Variants in PCSK6 observed in about 807,000 individuals in gnomAD.
PCSK6 encodes the protein proprotein convertase subtilisin/kexin type 6, also known as paired basic amino acid cleaving enzyme 4.
Under a neutral mutation model 123.3 loss-of-function variants are expected in PCSK6, and 85 were observed. The observed-to-expected ratio is 0.69, with a 90% CI of 0.58 to 0.83. The LOEUF is 0.83. PCSK6 is among the 40% of genes least tolerant of loss of function. PCSK6 has a pLI of 0.00. For synonymous variants in PCSK6, 508 were observed against 516.0 expected, an observed-to-expected ratio of 0.98 and a Z score of 0.21; for missense variants, 1,191 against 1,282.3, an observed-to-expected ratio of 0.93 and a Z score of 1.09.
chr15:101,327,412 G>C (rs1401972670), intron 15 of PCSK6, among the ~76,000 whole-genome samples: 2 of 152,178 alleles, frequency 1.3e-5, no homozygotes, highest in African/African-American at 4.8e-5. Flanking sequence ...CAGGAGTGAC[G>C]CCTGAAGCTA....
chr15:101,466,759 T>C (rs918793908), intron 1 of PCSK6, among the ~76,000 whole-genome samples: 3 of 152,128 alleles, frequency 2.0e-5, no homozygotes, highest in Admixed American at 1.3e-4. Context: ...GACCCTATTA[T>C]TACTGTATGA....
At chr15:101,383,077 C>A (rs541833584) in intron 10 of PCSK6, among the ~76,000 whole-genome samples, 1 of 152,104 alleles carries the variant, frequency 6.6e-6, no homozygotes, top group Non-Finnish European at 1.5e-5. Flanking sequence ...ATAAATACTA[C>A]GGCCAAATGA....
At chr15:101,356,948 A>G (rs565441076) in intron 13 of PCSK6, among the ~76,000 whole-genome samples, 43 of 152,206 alleles carry the variant, frequency 2.8e-4, no homozygotes, top group Non-Finnish European at 5.0e-4. Context: ...GCCACGTTCA[A>G]TCTGACAGGA....
intron 1 of PCSK6, among the ~76,000 whole-genome samples, chr15:101,464,718 T>C (rs1196370769): frequency 1.3e-5 from 2 of 152,306 alleles, no homozygotes; most frequent in East Asian, 1.9e-4. Flanking sequence ...TTAAGCCACC[T>C]GGCCTATACT....
intron 13 of PCSK6, chr15:101,347,152 A>T: frequency 4.1e-6 from 5 of 1,231,778 alleles, no homozygotes; most frequent in Non-Finnish European, 4.0e-6. Context: ...GAGTTTAGTG[A>T]CAAACTTGAA....
At chr15:101,360,181 G>C (rs1292706942) in intron 13 of PCSK6, among the ~76,000 whole-genome samples, 2 of 152,130 alleles carry the variant, frequency 1.3e-5, no homozygotes, top group Non-Finnish European at 2.9e-5. Flanking sequence ...CCCCGTCGGA[G>C]TCACCTTCAC....
In PCSK6 at chr15:101,345,123, C is replaced by G. The variant is rs1282463412; in HGVS notation, c.1859-13092G>C. On this transcript the variant is annotated intron_variant, in intron 13 of 21. Coordinates refer to ENST00000611716, the MANE Select transcript of PCSK6 (RefSeq NM_002570.5). ...TGAGGTCCCAGTGTTATGTGGTCTG[C>G]TAGGTGGGCTCCACAGATGAAGCAG... Among the ~76,000 whole-genome samples, 3 of 152,178 alleles carry G rather than the reference C, an allele frequency of 2.0e-5. No individual in the cohort carries two copies. The East Asian group carries it at 5.8e-4, about 29-fold the overall frequency.
At position 101,479,409 on chromosome 15, in the gene PCSK6, G is replaced by A. The variant is rs148298656; in HGVS notation, c.297+9965C>T. Reference sequence around the variant, plus strand: ...GCAGTGGGGCTCTGAAGAATCCTACGGATGGCCGTGTGGGAAATGGCCTGG... The same window carrying A: ...GCAGTGGGGCTCTGAAGAATCCTACAGATGGCCGTGTGGGAAATGGCCTGG... On this transcript the variant is annotated intron_variant, in intron 1 of 21. Coordinates refer to ENST00000611716, the MANE Select transcript of PCSK6 (RefSeq NM_002570.5). 2.5e-3 allele frequency among the ~76,000 whole-genome samples: 381 copies of A among 152,336 alleles called. 3 individuals carry two copies. In the Middle Eastern group the frequency reaches 0.037, roughly 15 times the overall value.
chr15:101,437,651 C>T (rs1185451117), intron 2 of PCSK6, among the ~76,000 whole-genome samples: 2 of 152,184 alleles, frequency 1.3e-5, no homozygotes, highest in Admixed American at 6.5e-5. Flanking sequence ...GGGAAGTCCT[C>T]GCTCTGCCGA....
Position 101,412,231 on chromosome 15 carries a change from C to G in PCSK6, c.824-13655G>C, listed in dbSNP as rs115091658. On this transcript the variant is annotated intron_variant, in intron 6 of 21. Coordinates refer to ENST00000611716, the MANE Select transcript of PCSK6 (RefSeq NM_002570.5). ...AGAAGGCTGAAGTCAGGTATAGCCT[C>G]ATAACATAATGCAAAAATGTACAGG... 3.1e-3 allele frequency among the ~76,000 whole-genome samples: 479 copies of G among 152,240 alleles called. 2 individuals carry two copies. Among genetic ancestry groups the G allele is most frequent in the African/African-American group, 0.01 (416 of 41,544 alleles).
chr15:101,324,143 C>G (rs1225990113), intron 17 of PCSK6, among the ~76,000 whole-genome samples: 1 of 152,232 alleles, frequency 6.6e-6, no homozygotes, highest in Admixed American at 6.5e-5. Flanking sequence ...TTTGCCCCTG[C>G]TCAGCTTTGA....
rs114817745 is a variant in PCSK6 at position 101,486,275 on chromosome 15, C to T, written c.297+3099G>A. Among the ~76,000 whole-genome samples, 469 of 152,260 alleles carry T rather than the reference C, an allele frequency of 3.1e-3. 6 individuals are homozygous for T. Among genetic ancestry groups the T allele is most frequent in the African/African-American group, 0.01 (436 of 41,556 alleles). On this transcript the variant is annotated intron_variant, in intron 1 of 21. Transcript: ENST00000611716. ...CAGCCTAAACTTTCTTTTCTCAGTCCTTCTTCTAAATATTTTATGTTTCTC... is the reference window on the plus strand; with the variant it reads ...CAGCCTAAACTTTCTTTTCTCAGTCTTTCTTCTAAATATTTTATGTTTCTC...
chr15:101,431,621 C>T (rs559979858), intron 3 of PCSK6, 158 bp from the exon 4 acceptor site: 64 of 878,408 alleles, frequency 7.3e-5, no homozygotes, highest in Admixed American at 1.8e-4. Context: ...CTTTCCCACT[C>T]GGATCGAGAA....
intron 2 of PCSK6, among the ~76,000 whole-genome samples, chr15:101,440,838 C>T (rs2056735487): frequency 6.6e-6 from 1 of 152,130 alleles, no homozygotes; most frequent in Non-Finnish European, 1.5e-5. Flanking sequence ...ATTGTAATGA[C>T]TGGGTGGAGT....
At chr15:101,484,345 C>T (rs1419420974) in intron 1 of PCSK6, among the ~76,000 whole-genome samples, 1 of 152,122 alleles carries the variant, frequency 6.6e-6, no homozygotes, top group Non-Finnish European at 1.5e-5. Flanking sequence ...TATAAGCATC[C>T]ATAATTAATA....
chr15:101,377,740 A>G (rs1025740231), intron 11 of PCSK6, among the ~76,000 whole-genome samples: 1 of 152,248 alleles, frequency 6.6e-6, no homozygotes. Context: ...CTGAACATCT[A>G]TAAAAAGATT....
Position 101,489,354 on chromosome 15 carries a change from G to T in PCSK6, c.297+20C>A, listed in dbSNP as rs1402872459. 8.8e-7 allele frequency: 1 copy of T among 1,140,806 alleles called. No individual in the cohort carries two copies. The highest frequency in any genetic ancestry group is 2.6e-5 in the South Asian group (1 of 38,302). The allele number at this position is 1,140,806 out of a possible 1,614,324, so 70.7% of individuals were successfully genotyped here. A position where few individuals can be genotyped will look rare whatever the true frequency, so the allele number is the denominator to read the frequency against. Reference sequence around the variant, plus strand: ...AGGCCGCCGGGAAAGTTTTGGGCGCGCGGGGCCGGCCGCACTCACCTGGCC... The same window carrying T: ...AGGCCGCCGGGAAAGTTTTGGGCGCTCGGGGCCGGCCGCACTCACCTGGCC... On this transcript the variant is annotated intron_variant, in intron 1 of 21. Coordinates refer to ENST00000611716, the MANE Select transcript of PCSK6 (RefSeq NM_002570.5).
chr15:101,324,650 C>G (rs2040206168), intron 17 of PCSK6, among the ~76,000 whole-genome samples, 200 bp downstream of exon 17: 1 of 152,230 alleles, frequency 6.6e-6, no homozygotes, highest in African/African-American at 2.4e-5. Context: ...CTGGCCAGGT[C>G]TGTGGGGAAG....
chr15:101,428,440 T>C (rs944260683), intron 5 of PCSK6, among the ~76,000 whole-genome samples: 1 of 152,196 alleles, frequency 6.6e-6, no homozygotes, highest in Admixed American at 6.5e-5. Context: ...TGATGTCACC[T>C]GCCTCATCCC....
Sources: gnomAD v4.1 joint callset for allele counts (sites outside exome capture counted in the v4.1 genomes callset) on GRCh38, gnomAD v4.1.1 for gene constraint, MANE v1.5 for transcripts, NCBI Gene and HGNC (gene_info 2026-07-23, HGNC 2026-07-21) for gene names.